The following METTL15 variants were observed in gnomAD, a reference collection of about 807,000 sequenced individuals.
METTL15 encodes the protein methyltransferase 15, mitochondrial 12S rRNA N4-cytidine, also known as 12S rRNA N(4)-cytidine methyltransferase METTL15.
Under a neutral mutation model 38.3 loss-of-function variants are expected in METTL15, and 34 were observed. That is an observed-to-expected ratio of 0.89 (90% CI 0.68 to 1.18). METTL15 has a LOEUF of 1.18. METTL15 is among the 50% of genes most tolerant of loss of function. METTL15 has a pLI of 0.00. For synonymous variants in METTL15, 162 were observed against 170.9 expected, an observed-to-expected ratio of 0.95 and a Z score of 0.41; for missense variants, 438 against 498.4, an observed-to-expected ratio of 0.88 and a Z score of 1.15.
At chr11:28,392,221 C>T (rs924063779) in intron 5 of METTL15, among the ~76,000 whole-genome samples, 8 of 152,002 alleles carry the variant, frequency 5.3e-5, no homozygotes, top group African/African-American at 1.9e-4. Context: ...AACAATGACA[C>T]TTTTCAAAGA....
At chr11:28,122,329 G>GTA (rs201919374) in intron 3 of METTL15, 13,383 of 159,720 alleles carry the variant, frequency 0.084, 702 homozygotes, top group Admixed American at 0.15. Context: ...ATAGATGTGT[G>GTA]TATATGTGTG....
intron 4 of METTL15, among the ~76,000 whole-genome samples, chr11:28,234,999 G>A (rs892542797): frequency 2.0e-5 from 3 of 151,818 alleles, no homozygotes; most frequent in African/African-American, 4.8e-5. Context: ...GTAAGGAAGG[G>A]ATCCAGTTTC....
chr11:28,267,561 C>T (rs1855475740), intron 4 of METTL15, among the ~76,000 whole-genome samples: 1 of 152,206 alleles, frequency 6.6e-6, no homozygotes, highest in African/African-American at 2.4e-5. Flanking sequence ...ATCTCCCACT[C>T]CCATTAGAAT....
chr11:28,457,686 G>A (rs2133452829), intron 6 of METTL15, among the ~76,000 whole-genome samples: 2 of 152,320 alleles, frequency 1.3e-5, no homozygotes, highest in Middle Eastern at 3.4e-3. Flanking sequence ...GCAGAGCTGA[G>A]GTCATCAGGC....
chr11:28,272,764 T>C (rs566018016), intron 4 of METTL15, among the ~76,000 whole-genome samples: 1 of 152,124 alleles, frequency 6.6e-6, no homozygotes, highest in East Asian at 1.9e-4. Flanking sequence ...CTGAATCAGG[T>C]TCATCACAGA....
intron 3 of METTL15, among the ~76,000 whole-genome samples, chr11:28,165,756 T>A (rs1850637303): frequency 6.6e-6 from 1 of 151,918 alleles, no homozygotes; most frequent in African/African-American, 2.4e-5. Context: ...GCTTTTCCCA[T>A]ATGTTTTCTT....
At chr11:28,222,507 A>T (rs1853286416) in intron 4 of METTL15, among the ~76,000 whole-genome samples, 1 of 152,194 alleles carries the variant, frequency 6.6e-6, no homozygotes, top group Non-Finnish European at 1.5e-5. Context: ...TTCTGGGGTG[A>T]GGCGATGCCT....
intron 3 of METTL15, among the ~76,000 whole-genome samples, chr11:28,159,495 G>A (rs1328047152): frequency 6.6e-6 from 1 of 151,934 alleles, no homozygotes; most frequent in Admixed American, 6.6e-5. Flanking sequence ...AAGGGAAAGG[G>A]AATACAGAAT....
At chr11:28,479,543 T>C (rs139776044) in intron 6 of METTL15, among the ~76,000 whole-genome samples, 2 of 152,350 alleles carry the variant, frequency 1.3e-5, no homozygotes, top group East Asian at 1.9e-4. Flanking sequence ...CTGCTTTGCA[T>C]ACAAAAGGTT....
intron 6 of METTL15, among the ~76,000 whole-genome samples, chr11:28,523,662 T>C (rs777370267): frequency 6.6e-6 from 1 of 152,198 alleles, no homozygotes; most frequent in Non-Finnish European, 1.5e-5. Context: ...TATCTACATA[T>C]AACAAACATT....
intron 6 of METTL15, among the ~76,000 whole-genome samples, chr11:28,484,539 A>G (rs1851422280): frequency 6.6e-6 from 1 of 151,696 alleles, no homozygotes; most frequent in Admixed American, 6.6e-5. Context: ...CCTTTTCTCC[A>G]TTGCAGTCTC....
chr11:28,448,853 TATA>T (rs34491733), intron 6 of METTL15, among the ~76,000 whole-genome samples: 64,047 of 151,708 alleles, frequency 0.42, 14,893 homozygotes, highest in Admixed American at 0.54. Context: ...AAAATAAATG[TATA>T]ATATTTATTA....
chr11:28,389,014 TC>T (rs1219958613), intron 5 of METTL15, among the ~76,000 whole-genome samples: 1 of 152,080 alleles, frequency 6.6e-6, no homozygotes, highest in Non-Finnish European at 1.5e-5. Flanking sequence ...CATGAACTCA[TC>T]CTTTTTTATG....
At chr11:28,519,554 C>CA (rs5790692) in intron 6 of METTL15, among the ~76,000 whole-genome samples, 76 of 139,868 alleles carry the variant, frequency 5.4e-4, no homozygotes, top group South Asian at 9.2e-4. Context: ...GGCTCCGTCT[C>CA]AAAAAAAAAA....
chr11:28,255,569 T>C, intron 4 of METTL15, among the ~76,000 whole-genome samples: 1 of 152,224 alleles, frequency 6.6e-6, no homozygotes, highest in Non-Finnish European at 1.5e-5. Context: ...TTCAGTATGA[T>C]ATTAGCTGTG....
At chr11:28,183,103 A>C (rs566308557) in intron 3 of METTL15, among the ~76,000 whole-genome samples, 15 of 152,032 alleles carry the variant, frequency 9.9e-5, no homozygotes, top group Non-Finnish European at 2.1e-4. Context: ...TTGCACATTG[A>C]TTTTGTATCC....
chr11:28,428,197 A>G (rs1338257966), intron 6 of METTL15, among the ~76,000 whole-genome samples: 1 of 152,216 alleles, frequency 6.6e-6, no homozygotes, highest in East Asian at 1.9e-4. Context: ...CTCAGGCTAT[A>G]TAGTATAGCC....
intron 3 of METTL15, among the ~76,000 whole-genome samples, chr11:28,204,314 C>A (rs1350626191): frequency 6.6e-6 from 1 of 151,900 alleles, no homozygotes; most frequent in East Asian, 1.9e-4. Context: ...CTTCCTCTTT[C>A]TCTCTTCAGA....
At chr11:28,270,406 A>G in intron 4 of METTL15, among the ~76,000 whole-genome samples, 1 of 152,156 alleles carries the variant, frequency 6.6e-6, no homozygotes, top group East Asian at 1.9e-4. Context: ...AACCTTTTCC[A>G]GCTCCATCTT....
Sources: allele counts gnomAD v4.1 joint callset (sites outside exome capture counted in the v4.1 genomes callset), GRCh38; gene constraint gnomAD v4.1.1; transcripts MANE v1.5; gene names NCBI Gene and HGNC (gene_info 2026-07-23, HGNC 2026-07-21).